AIRIM: variants seen among roughly 807,000 people sequenced by gnomAD.
The protein encoded by AIRIM is AFG2 interacting ribosome maturation factor.
the AIRIM span, among the ~76,000 whole-genome samples, chr1:37,685,382 C>CT: frequency 0.24 from 33,775 of 138,118 alleles, 4,677 homozygotes; most frequent in East Asian, 0.68. Context: ...GCCCAAAATT[C>CT]TTTTTTTTTT....
the AIRIM span, chr1:37,683,295 C>A: frequency 1.9e-6 from 3 of 1,613,624 alleles, no homozygotes; most frequent in South Asian, 3.3e-5. Flanking sequence ...AGAGGAGACA[C>A]AAAGGAAGAA....
chr1:37,684,308 G>C, the AIRIM span: 1 of 152,242 alleles, frequency 6.6e-6, no homozygotes, highest in Non-Finnish European at 1.5e-5. Flanking sequence ...CCATGCTCCT[G>C]TTGCTGTTAC....
the AIRIM span, chr1:37,689,699 G>A: frequency 6.2e-6 from 10 of 1,613,882 alleles, no homozygotes; most frequent in East Asian, 2.2e-5. Flanking sequence ...CCGAAGCGCC[G>A]GCACATCCTC....
At chr1:37,692,092 A>G in the AIRIM span, 1 of 154,546 alleles carries the variant, frequency 6.5e-6, no homozygotes, top group Non-Finnish European at 1.4e-5. Flanking sequence ...CCAGCCAGTC[A>G]ATCAGTCAGA....
At chr1:37,686,175 A>G in the AIRIM span, 1 of 1,181,162 alleles carries the variant, frequency 8.5e-7, no homozygotes, top group Non-Finnish European at 1.2e-6. Flanking sequence ...ACCAAAGAGA[A>G]CTGACTCAAA....
chr1:37,685,262 C>T, the AIRIM span, among the ~76,000 whole-genome samples: 3 of 150,828 alleles, frequency 2.0e-5, no homozygotes, highest in Non-Finnish European at 4.4e-5. Flanking sequence ...GGTGATCACA[C>T]CCAGGCTGGC....
the AIRIM span, among the ~76,000 whole-genome samples, chr1:37,684,840 G>A: frequency 6.6e-6 from 1 of 152,088 alleles, no homozygotes. Context: ...ACCTAAGCTA[G>A]AGGCTAAAAT....
the AIRIM span, among the ~76,000 whole-genome samples, chr1:37,685,249 G>A: frequency 4.0e-5 from 6 of 149,738 alleles, no homozygotes; most frequent in African/African-American, 1.5e-4. Context: ...TGTCACCTAG[G>A]CTGGTGATCA....
the AIRIM span, among the ~76,000 whole-genome samples, chr1:37,691,767 G>A: frequency 1.3e-5 from 2 of 152,224 alleles, no homozygotes; most frequent in South Asian, 4.1e-4. Context: ...GTGGCCAGCT[G>A]CCAAGCGCCA....
the AIRIM span, chr1:37,690,517 T>A: frequency 8.4e-7 from 1 of 1,186,826 alleles, no homozygotes; most frequent in Non-Finnish European, 1.1e-6. Context: ...GCGCCCACAG[T>A]CTCTCTGCGC....
At chr1:37,688,995 G>A in the AIRIM span, among the ~76,000 whole-genome samples, 2 of 146,338 alleles carry the variant, frequency 1.4e-5, no homozygotes, top group Non-Finnish European at 3.0e-5. Flanking sequence ...AATCTGTAAC[G>A]CAGGCACTGG....
At chr1:37,681,878 A>G in the AIRIM span, 1 of 152,222 alleles carries the variant, frequency 6.6e-6, no homozygotes, top group Non-Finnish European at 1.5e-5. Flanking sequence ...AGGTTTTTTA[A>G]AAAAAGACAA....
the AIRIM span, chr1:37,682,855 C>G: frequency 1.7e-4 from 72 of 430,376 alleles, no homozygotes; most frequent in Non-Finnish European, 2.7e-4. Context: ...CACCGTCTTT[C>G]CTGTTGTCTC....
the AIRIM span, among the ~76,000 whole-genome samples, chr1:37,687,108 GTGTA>G: frequency 3.5e-3 from 425 of 121,082 alleles, 2 homozygotes; most frequent in African/African-American, 0.011. Flanking sequence ...GTGTGTGTGT[GTGTA>G]TAGTTTTTGT....
the AIRIM span, among the ~76,000 whole-genome samples, chr1:37,689,353 G>A: frequency 2.0e-5 from 3 of 152,034 alleles, no homozygotes; most frequent in Non-Finnish European, 4.4e-5. Context: ...GGCTTTCTCC[G>A]CTCCTTTTCT....
At chr1:37,683,648 A>G in the AIRIM span, 1 of 496,350 alleles carries the variant, frequency 2.0e-6, no homozygotes, top group African/African-American at 1.9e-5. Context: ...GAATGAAACC[A>G]TCCCTGAAAT....
the AIRIM span, among the ~76,000 whole-genome samples, chr1:37,688,965 CAAAAAAA>C: frequency 8.5e-5 from 9 of 106,336 alleles, no homozygotes; most frequent in African/African-American, 1.1e-4. Context: ...GACCCTGTCT[CAAAAAAA>C]AAAAAAAAAA....
the AIRIM span, chr1:37,681,798 TAC>T: frequency 1.3e-5 from 2 of 152,194 alleles, no homozygotes; most frequent in African/African-American, 4.8e-5. Context: ...GTAGATATAA[TAC>T]ATTCACAAAA....
the AIRIM span, chr1:37,682,479 G>C: frequency 6.6e-6 from 1 of 152,582 alleles, no homozygotes; most frequent in Admixed American, 6.6e-5. Flanking sequence ...ACCATGCCCA[G>C]TTACTTCCTC....
Sources: allele counts gnomAD v4.1 joint callset (sites outside exome capture counted in the v4.1 genomes callset), GRCh38; gene constraint gnomAD v4.1.1; transcripts MANE v1.5; gene names NCBI Gene and HGNC (gene_info 2026-07-23, HGNC 2026-07-21).